The following HMGCL variants were observed in gnomAD, a reference collection of about 807,000 sequenced individuals.
The protein encoded by HMGCL is 3-hydroxy-3-methylglutaryl-CoA lyase, also known as hydroxymethylglutaryl-CoA lyase, mitochondrial.
In HMGCL, 26 loss-of-function variants were observed where a neutral mutation model predicts 37.3. That is an observed-to-expected ratio of 0.70 (90% CI 0.51 to 0.97). The LOEUF (loss-of-function observed/expected upper bound fraction) is 0.97. Among genes scored for constraint, HMGCL ranks in the 50% least tolerant of loss-of-function variants. HMGCL has a pLI of 0.00. For synonymous variants in HMGCL, 151 were observed against 148.0 expected (o/e 1.02, Z -0.15); for missense variants, 379 against 398.1 (o/e 0.95, Z 0.41).
Position 23,808,185 on chromosome 1 carries a change from A to C in HMGCL, c.700T>G (p.Cys234Gly), listed in dbSNP as rs1638447083. ...AGGGCTTGACCATAGGTGTCATGGCAGTGGACAGCCAGGGCAGCCAGAGGC... is the reference window on the plus strand; with the variant it reads ...AGGGCTTGACCATAGGTGTCATGGCCGTGGACAGCCAGGGCAGCCAGAGGC... ...EVPLAALAVH[C>G]HDTYGQALAN... is the part of the protein sequence containing the mutation. Residue 234 changes from cysteine (C) to glycine (G), a missense_variant, in exon 7 of 9, where the codon TGC (cysteine) becomes GGC (glycine). By Grantham distance (159) the Cys-to-Gly change is radical. Coordinates refer to ENST00000374490, the MANE Select transcript of HMGCL (RefSeq NM_000191.3). The C allele has an allele frequency of 6.2e-7, 1 of 1,613,992 alleles. No homozygotes were observed. Among genetic ancestry groups the C allele is most frequent in the African/African-American group, 1.3e-5 (1 of 74,928 alleles).
intron 2 of HMGCL, among the ~76,000 whole-genome samples, chr1:23,818,991 C>A (rs1394438252): frequency 1.9e-5 from 2 of 105,126 alleles, no homozygotes; most frequent in Non-Finnish European, 1.7e-5. Flanking sequence ...ACTATTAAAG[C>A]TAGGATGGAC....
intron 1 of HMGCL, among the ~76,000 whole-genome samples, chr1:23,822,671 C>T (rs1018607050): frequency 2.6e-5 from 4 of 152,152 alleles, no homozygotes; most frequent in African/African-American, 9.7e-5. Flanking sequence ...AATTTCATGA[C>T]GTCAACAGGC....
intron 4 of HMGCL, 88 bp downstream of exon 4, chr1:23,816,587 G>T: frequency 1.2e-6 from 1 of 862,202 alleles, no homozygotes; most frequent in Non-Finnish European, 2.0e-6. Flanking sequence ...GGACATCCCA[G>T]GACAGGGGAC....
At chr1:23,810,497 T>C (rs1354775499) in intron 6 of HMGCL, 2 of 500,036 alleles carry the variant, frequency 4.0e-6, no homozygotes, top group East Asian at 7.5e-5. Flanking sequence ...GGAAACTGAA[T>C]TGGAGGTTTT....
intron 7 of HMGCL, among the ~76,000 whole-genome samples, chr1:23,807,693 G>T (rs1161764926): frequency 1.3e-5 from 2 of 152,186 alleles, no homozygotes; most frequent in African/African-American, 4.8e-5. Context: ...CTACACACCC[G>T]CACACTGAAA....
At chr1:23,812,352 G>A (rs1324376529) in intron 5 of HMGCL, among the ~76,000 whole-genome samples, 3 of 152,158 alleles carry the variant, frequency 2.0e-5, no homozygotes, top group Non-Finnish European at 4.4e-5. Context: ...GCATGATGTG[G>A]AGGAAGTGTT....
chr1:23,812,453 C>G (rs927583126), intron 5 of HMGCL, among the ~76,000 whole-genome samples: 2 of 152,240 alleles, frequency 1.3e-5, no homozygotes, highest in East Asian at 3.9e-4. Context: ...ACCTCCCAGG[C>G]TCAGGTGATC....
At chr1:23,820,419 T>C in intron 2 of HMGCL, 91 bp downstream of exon 2, 1 of 892,566 alleles carries the variant, frequency 1.1e-6, no homozygotes. Context: ...ACATCTTGCA[T>C]AGCTCTGTCA....
At chr1:23,816,652 C>T in intron 4 of HMGCL, 23 bp downstream of exon 4, 3 of 1,419,498 alleles carry the variant, frequency 2.1e-6, no homozygotes, top group South Asian at 2.3e-5. Flanking sequence ...TCAGGAGCCC[C>T]CACCAACAAG....
At chr1:23,804,325 C>T in intron 8 of HMGCL, 75 bp downstream of exon 8, 1 of 1,577,642 alleles carries the variant, frequency 6.3e-7, no homozygotes, top group Non-Finnish European at 8.7e-7. Context: ...CAAATACCCC[C>T]ATCCACTTTT....
intron 6 of HMGCL, chr1:23,809,388 A>G (rs1448110405): frequency 6.6e-6 from 1 of 150,420 alleles, no homozygotes; most frequent in East Asian, 2.0e-4. Context: ...ACCGGCGCCC[A>G]CCACCACCCC....
At position 23,814,974 on chromosome 1, in the gene HMGCL, G is replaced by A. The variant is rs376312482; in HGVS notation, c.349-636C>T. On this transcript the variant is annotated intron_variant, in intron 4 of 8. Transcript: ENST00000374490. Reference sequence around the variant, plus strand: ...TGTAATCACAGCACTTTGGGAGGCCGAGGCGGGCAGATCATGAGGTCAGGA... The same window carrying A: ...TGTAATCACAGCACTTTGGGAGGCCAAGGCGGGCAGATCATGAGGTCAGGA... Among the ~76,000 whole-genome samples, 9 of 151,966 alleles carry A rather than the reference G, an allele frequency of 5.9e-5. No homozygotes were observed. In the East Asian group the frequency reaches 7.8e-4, roughly 13 times the overall value.
chr1:23,808,447 G>T (rs993999149), intron 6 of HMGCL, 124 bp from the exon 7 acceptor site: 21 of 797,130 alleles, frequency 2.6e-5, no homozygotes, highest in Non-Finnish European at 4.3e-5. Context: ...GTTCCTACTG[G>T]ATTACATGCT....
intron 5 of HMGCL, chr1:23,813,863 G>T: frequency 2.6e-6 from 1 of 391,190 alleles, no homozygotes; most frequent in Non-Finnish European, 4.9e-6. Flanking sequence ...GATTCCTTTA[G>T]CATGATAGCA....
At chr1:23,811,193 ACT>A (rs1275273382) in intron 5 of HMGCL, among the ~76,000 whole-genome samples, 4 of 152,154 alleles carry the variant, frequency 2.6e-5, no homozygotes, top group African/African-American at 9.7e-5. Flanking sequence ...GTAAAACCAA[ACT>A]CAGAACAAGA....
At chr1:23,815,841 C>T (rs566968341) in intron 4 of HMGCL, among the ~76,000 whole-genome samples, 1 of 151,154 alleles carries the variant, frequency 6.6e-6, no homozygotes, top group Non-Finnish European at 1.5e-5. Context: ...ACAGTAATTT[C>T]TCTTAATTAA....
intron 4 of HMGCL, among the ~76,000 whole-genome samples, chr1:23,815,741 C>T (rs1310504858): frequency 1.2e-4 from 18 of 151,886 alleles, no homozygotes; most frequent in Non-Finnish European, 2.5e-4. Flanking sequence ...ATGATCCGCC[C>T]GCCCTGGTCT....
intron 2 of HMGCL, among the ~76,000 whole-genome samples, chr1:23,820,203 A>G (rs2148425710): frequency 6.6e-6 from 1 of 152,232 alleles, no homozygotes; most frequent in South Asian, 2.1e-4. Flanking sequence ...ATATTTTTTA[A>G]TAAGATAGAG....
intron 5 of HMGCL, among the ~76,000 whole-genome samples, chr1:23,813,504 G>A (rs971136412): frequency 6.6e-6 from 1 of 151,982 alleles, no homozygotes; most frequent in Non-Finnish European, 1.5e-5. Context: ...TTGACCTCAG[G>A]TGATCCACCT....
Sources: allele counts gnomAD v4.1 joint callset (sites outside exome capture counted in the v4.1 genomes callset), GRCh38; gene constraint gnomAD v4.1.1; transcripts MANE v1.5; gene names NCBI Gene and HGNC (gene_info 2026-07-23, HGNC 2026-07-21).